Variants in CYTH3 observed in about 807,000 individuals in gnomAD.
The protein encoded by CYTH3 is cytohesin 3, also known as cytohesin-3.
CYTH3 carries 23 observed loss-of-function variants against 55.1 expected under a neutral mutation model. The observed-to-expected ratio is 0.42, with a 90% confidence interval of 0.30 to 0.59. The LOEUF is 0.59. Ranked by LOEUF, CYTH3 falls within the 20% of genes least tolerant of loss-of-function variation. The pLI is 0.20. For missense variants in CYTH3, 413 were observed against 524.8 expected (o/e 0.79, Z 2.08); for synonymous variants, 249 against 194.9 (o/e 1.28, Z -2.31).
chr7:6,229,797 A>G (rs1779343596), intron 1 of CYTH3, among the ~76,000 whole-genome samples: 1 of 151,528 alleles, frequency 6.6e-6, no homozygotes, highest in African/African-American at 2.4e-5. Context: ...AGCCTGGGCA[A>G]CAGAAAGAGA....
intron 1 of CYTH3, among the ~76,000 whole-genome samples, chr7:6,242,480 G>A (rs7784025): frequency 0.098 from 14,466 of 146,916 alleles, 1,416 homozygotes; most frequent in African/African-American, 0.26. Flanking sequence ...AGGTTCAAGC[G>A]ATTCTCCTCC....
At chr7:6,245,683 T>C (rs2115041467) in intron 1 of CYTH3, among the ~76,000 whole-genome samples, 1 of 152,278 alleles carries the variant, frequency 6.6e-6, no homozygotes, top group South Asian at 2.1e-4. Context: ...GGCAGGCGGA[T>C]CACCTGAGAT....
chr7:6,241,099 G>A (rs1779661511), intron 1 of CYTH3, among the ~76,000 whole-genome samples: 1 of 152,152 alleles, frequency 6.6e-6, no homozygotes, highest in Non-Finnish European at 1.5e-5. Context: ...TCCAGCCTGG[G>A]CGACAGAGTG....
At chr7:6,198,663 C>T (rs1231107486) in intron 1 of CYTH3, among the ~76,000 whole-genome samples, 1 of 151,856 alleles carries the variant, frequency 6.6e-6, no homozygotes, top group African/African-American at 2.4e-5. Context: ...CCCAAGAAAT[C>T]TAGCGGTTTA....
At position 6,227,687 on chromosome 7, in the gene CYTH3, C is replaced by A. The variant is rs182349857; in HGVS notation, c.35-37156G>T. ...TAAGCAAACCAAAGGGAAGCATTTA[C>A]AACAACTATGTTTTCAATAATTACG... On this transcript the variant is annotated intron_variant, in intron 1 of 12. Coordinates refer to ENST00000350796, the MANE Select transcript of CYTH3 (RefSeq NM_004227.4). Among the ~76,000 whole-genome samples the A allele has an allele frequency of 4.0e-4, 61 of 152,336 alleles. 1 individual carries two copies. In the East Asian group the frequency reaches 0.011, roughly 27 times the overall value.
At chr7:6,241,007 A>G (rs1180873448) in intron 1 of CYTH3, among the ~76,000 whole-genome samples, 1 of 152,008 alleles carries the variant, frequency 6.6e-6, no homozygotes, top group Non-Finnish European at 1.5e-5. Context: ...CTGTAATCCC[A>G]GTGACTCAGG....
chr7:6,233,891 C>T (rs1422795196), intron 1 of CYTH3, among the ~76,000 whole-genome samples: 1 of 151,558 alleles, frequency 6.6e-6, no homozygotes, highest in African/African-American at 2.4e-5. Flanking sequence ...GTGGTGAGGG[C>T]TGCTCTCTGG....
chr7:6,178,025 AT>A (rs1783392383), intron 4 of CYTH3, 84 bp from the exon 5 acceptor site: 2 of 1,050,898 alleles, frequency 1.9e-6, no homozygotes, highest in Admixed American at 1.7e-5. Flanking sequence ...TAGTGTCAGG[AT>A]TTTACTGGTA....
chr7:6,223,569 A>C (rs1000148935), intron 1 of CYTH3, among the ~76,000 whole-genome samples: 140 of 152,226 alleles, frequency 9.2e-4, no homozygotes, highest in African/African-American at 3.3e-3. Flanking sequence ...GTGCTGTGTC[A>C]ACTCAGGGTT....
In CYTH3 at chr7:6,170,324, T is replaced by A. The variant is rs568842424; in HGVS notation, c.823+211A>T. The A allele has an allele frequency of 3.9e-4, 227 of 577,156 alleles. 4 individuals are homozygous for A. The South Asian group carries it at 4.7e-3, about 12-fold the overall frequency. The allele number at this position is 577,156 out of a possible 1,614,324, so 35.8% of individuals were successfully genotyped here. ...ACGGGCCGTGCAGCCTGGGCGCTACTCTCTGCCGCGGGCATGGCTCTGAGG... is the reference window on the plus strand; with the variant it reads ...ACGGGCCGTGCAGCCTGGGCGCTACACTCTGCCGCGGGCATGGCTCTGAGG... On this transcript the variant is annotated intron_variant, in intron 9 of 12. Transcript: ENST00000350796. The surrounding 1 kb of genome is among the most constrained non-coding windows in gnomAD (Gnocchi z 7.8).
At chr7:6,265,630 A>G (rs1170771004) in intron 1 of CYTH3, among the ~76,000 whole-genome samples, 2 of 151,912 alleles carry the variant, frequency 1.3e-5, no homozygotes, top group South Asian at 2.1e-4. Context: ...AAAAAAAAAA[A>G]AAAAAGAAGA....
chr7:6,242,202 G>A (rs565483131), intron 1 of CYTH3, among the ~76,000 whole-genome samples: 42 of 151,690 alleles, frequency 2.8e-4, no homozygotes, highest in African/African-American at 8.5e-4. Context: ...TCAGCCTCCC[G>A]AGTAGCTGGG....
At chr7:6,242,683 A>T (rs1016103356) in intron 1 of CYTH3, among the ~76,000 whole-genome samples, 1 of 152,072 alleles carries the variant, frequency 6.6e-6, no homozygotes, top group Non-Finnish European at 1.5e-5. Flanking sequence ...AAGGGACTCT[A>T]TGTAGGTCCA....
intron 4 of CYTH3, among the ~76,000 whole-genome samples, chr7:6,179,596 ACACACAC>A (rs545336981): frequency 0.17 from 22,502 of 134,368 alleles, 2,013 homozygotes; most frequent in African/African-American, 0.26. Context: ...AGACACACAC[ACACACAC>A]CACACACCAC....
chr7:6,199,016 T>C (rs898509944), intron 1 of CYTH3, among the ~76,000 whole-genome samples: 3 of 152,224 alleles, frequency 2.0e-5, no homozygotes, highest in Admixed American at 2.0e-4. Context: ...GTTTCAACAT[T>C]CTTACTCTAA....
At chr7:6,183,322 T>C (rs898685408) in intron 4 of CYTH3, among the ~76,000 whole-genome samples, 6 of 152,260 alleles carry the variant, frequency 3.9e-5, no homozygotes, top group Admixed American at 6.5e-5. Flanking sequence ...TGATCCCATT[T>C]ATCTTCTTCC....
intron 1 of CYTH3, among the ~76,000 whole-genome samples, chr7:6,226,863 G>A (rs1779268047): frequency 6.6e-6 from 1 of 152,000 alleles, no homozygotes; most frequent in African/African-American, 2.4e-5. Context: ...GGCGGATCAC[G>A]AGGTCAGGAG....
chr7:6,179,797 CCA>C (rs1783451382), intron 4 of CYTH3, among the ~76,000 whole-genome samples: 2 of 122,966 alleles, frequency 1.6e-5, no homozygotes, highest in African/African-American at 3.3e-5. Context: ...CCACACACAC[CCA>C]CCACACACAC....
At chr7:6,239,296 C>T (rs1028506086) in intron 1 of CYTH3, among the ~76,000 whole-genome samples, 3 of 152,100 alleles carry the variant, frequency 2.0e-5, no homozygotes, top group South Asian at 2.1e-4. Context: ...GAAGAGAAGA[C>T]GCAGCCCTTC....
Sources: allele counts gnomAD v4.1 joint callset (sites outside exome capture counted in the v4.1 genomes callset), GRCh38; gene constraint gnomAD v4.1.1; non-coding constraint Gnocchi (gnomAD v3.1); transcripts MANE v1.5; gene names NCBI Gene and HGNC (gene_info 2026-07-23, HGNC 2026-07-21).